The following BRWD1 variants were observed in gnomAD, a reference collection of about 807,000 sequenced individuals.
BRWD1 encodes the protein bromodomain and WD repeat domain containing 1, also known as bromodomain and WD repeat-containing protein 1.
A neutral mutation model predicts 251.2 loss-of-function variants in BRWD1; 82 were observed. The ratio of observed to expected loss-of-function variants is 0.33; its 90% CI spans 0.27 to 0.39. BRWD1 has a LOEUF of 0.39. Among genes scored for constraint, BRWD1 ranks in the 10% least tolerant of loss-of-function variants. The pLI is 1.00. For synonymous variants in BRWD1, 918 were observed against 902.8 expected (o/e 1.02, Z -0.30); for missense variants, 2,233 against 2,711.6 (o/e 0.82, Z 3.92).
At chr21:39,288,237 T>G (rs1021693619) in intron 8 of BRWD1, among the ~76,000 whole-genome samples, 1 of 152,074 alleles carries the variant, frequency 6.6e-6, no homozygotes, top group Non-Finnish European at 1.5e-5. Context: ...TTAAAGAGAA[T>G]AAGACAAAAG....
chr21:39,289,531 A>G (rs8130774), intron 8 of BRWD1, among the ~76,000 whole-genome samples: 140,954 of 152,134 alleles, frequency 0.93, 65,646 homozygotes, highest in African/African-American at 0.97. Flanking sequence ...TCACATCCCC[A>G]CCTAAAGAAT....
chr21:39,195,081 G>C lies in BRWD1; in HGVS notation c.*1178C>G. 1 of 1,223,680 alleles carries C rather than the reference G, an allele frequency of 8.2e-7. No individual in the cohort carries two copies. The highest frequency in any genetic ancestry group is 1.0e-6 in the Non-Finnish European group (1 of 978,716). 75.8% of individuals were successfully genotyped at this position (1,223,680 alleles called of 1,614,324 possible). A position where few individuals can be genotyped will look rare whatever the true frequency, so the allele number is the denominator to read the frequency against. Reference sequence around the variant, plus strand: ...GTGTGATAAACTTTCACTTTAAATGGATTATAAAATTATTTTCCCACAAAA... The same window carrying C: ...GTGTGATAAACTTTCACTTTAAATGCATTATAAAATTATTTTCCCACAAAA... On this transcript the variant is annotated 3_prime_UTR_variant, in exon 41 of 41. Transcript: ENST00000342449.
intron 8 of BRWD1, among the ~76,000 whole-genome samples, chr21:39,292,382 T>C (rs1364163703): frequency 6.6e-6 from 1 of 152,138 alleles, no homozygotes; most frequent in East Asian, 1.9e-4. Context: ...CTGTCCCTAA[T>C]AACTAACGGA....
At chr21:39,307,736 C>G (rs1448851687) in intron 4 of BRWD1, among the ~76,000 whole-genome samples, 1 of 152,064 alleles carries the variant, frequency 6.6e-6, no homozygotes, top group Non-Finnish European at 1.5e-5. Flanking sequence ...CCCTTTAAAA[C>G]AAAAACCTCT....
intron 29 of BRWD1, chr21:39,219,759 T>A (rs1395452122): frequency 6.6e-6 from 1 of 152,232 alleles, no homozygotes; most frequent in Non-Finnish European, 1.5e-5. Context: ...TATGATGTAG[T>A]CTTTTAGCTG....
Position 39,188,865 on chromosome 21 carries a change from T to C in BRWD1, c.*7394A>G. 1.0e-6 allele frequency: 1 copy of C among 985,428 alleles called. No individual in the cohort carries two copies. Among genetic ancestry groups the C allele is most frequent in the Non-Finnish European group, 1.2e-6 (1 of 829,920 alleles). The allele number at this position is 985,428 out of a possible 1,614,324, so 61.0% of individuals were successfully genotyped here. On this transcript the variant is annotated 3_prime_UTR_variant, in exon 41 of 41. Transcript: ENST00000342449. ...GAAATTCTAAGGGCACTATGTTTTGTTCAGTGTTCAGTCTCCAGGCATTGT... is the reference window on the plus strand; with the variant it reads ...GAAATTCTAAGGGCACTATGTTTTGCTCAGTGTTCAGTCTCCAGGCATTGT...
chr21:39,313,652 G>A (rs2036605881), upstream of BRWD1: 2 of 468,654 alleles, frequency 4.3e-6, no homozygotes, highest in African/African-American at 2.1e-5. Flanking sequence ...CCTCCGCGGG[G>A]GAGGAAGTAG....
At chr21:39,249,648 A>G (rs990843267) in intron 20 of BRWD1, among the ~76,000 whole-genome samples, 4 of 152,176 alleles carry the variant, frequency 2.6e-5, no homozygotes, top group East Asian at 1.9e-4. Flanking sequence ...TCTAATGAGC[A>G]CTGGTCAGTT....
At position 39,278,805 on chromosome 21, in the gene BRWD1, G is replaced by A. The variant is rs1207825138; in HGVS notation, c.941C>T (p.Pro314Leu). The part of the protein sequence containing the change: ...DLESLKFSPR[P>L]LKFTEKPRPG... ...CCTAGGCTTTTCAGTGAACTTCAGG[G>A]GACGTGGGCTTTAAAAGAAGAAGAT... The change falls in exon 10 of 41, where the codon CCC becomes CTC. Residue 314 changes from proline to leucine, a missense_variant. This residue lies in a region of BRWD1 where 315 missense variants were observed against 421.8 expected (regional missense o/e 0.75). Transcript: ENST00000342449. 2 of 1,585,100 alleles carry A rather than the reference G, an allele frequency of 1.3e-6. No individual in the cohort carries two copies. The highest frequency in any genetic ancestry group is 4.5e-5 in the East Asian group (2 of 44,366).
chr21:39,234,096 AAAC>A (rs768316620), intron 23 of BRWD1, among the ~76,000 whole-genome samples: 4 of 152,234 alleles, frequency 2.6e-5, no homozygotes, highest in Non-Finnish European at 4.4e-5. Flanking sequence ...GTCAATCATA[AAAC>A]AATATAACAA....
chr21:39,317,798 A>G (rs1334344114), upstream of BRWD1, among the ~76,000 whole-genome samples: 2 of 152,230 alleles, frequency 1.3e-5, no homozygotes, highest in Non-Finnish European at 2.9e-5. Flanking sequence ...CGTCTGTGCT[A>G]TCAGCACTTT....
chr21:39,276,035 A>AAAAT (rs988992163), intron 12 of BRWD1, 138 bp downstream of exon 12: 26 of 714,902 alleles, frequency 3.6e-5, no homozygotes, highest in African/African-American at 2.6e-4. Flanking sequence ...TCCATCTCAA[A>AAAAT]AAATAAATAA....
intron 9 of BRWD1, among the ~76,000 whole-genome samples, chr21:39,279,382 T>G (rs2035377505): frequency 6.6e-6 from 1 of 152,154 alleles, no homozygotes; most frequent in Admixed American, 6.5e-5. Context: ...CTCACGCCTG[T>G]GATCCCAGTA....
chr21:39,311,413 C>T (rs2036479667), intron 4 of BRWD1, among the ~76,000 whole-genome samples: 2 of 152,174 alleles, frequency 1.3e-5, no homozygotes, highest in African/African-American at 4.8e-5. Flanking sequence ...CCTCGGCCTC[C>T]TAATGTGCTG....
intron 15 of BRWD1, among the ~76,000 whole-genome samples, chr21:39,266,808 T>C (rs532226940): frequency 6.6e-4 from 101 of 152,360 alleles, no homozygotes; most frequent in Non-Finnish European, 8.2e-4. Flanking sequence ...TTAGGAATTA[T>C]GAGCCTCTTA....
In BRWD1 at chr21:39,233,004, A is replaced by G. The variant is rs190623573; in HGVS notation, c.2767-506T>C. 7.3e-3 allele frequency among the ~76,000 whole-genome samples: 1,106 copies of G among 152,272 alleles called. 8 individuals carry two copies. The highest frequency in any genetic ancestry group is 0.02 in the Middle Eastern group (6 of 294). On this transcript the variant is annotated intron_variant, in intron 23 of 40. Transcript: ENST00000342449. ...ATGACTCACTTCTACCAAATATAAT[A>G]AAGCCGATGAGACTATGTGCAACTT...
In BRWD1 at chr21:39,228,588, C is replaced by A. The variant is rs752618505; in HGVS notation, c.3126-6G>T. ...CATCTGGCATATCATGATATCTAGA[C>A]AAAAATTTAAAAAATTGTTAAACTC... On this transcript the variant is annotated splice_polypyrimidine_tract_variant and splice_region_variant and intron_variant, in intron 26 of 40. Coordinates refer to ENST00000342449, the MANE Select transcript of BRWD1 (RefSeq NM_033656.4). 11 of 1,592,376 alleles carry A rather than the reference C, an allele frequency of 6.9e-6. No individual in the cohort carries two copies. The Admixed American group carries it at 1.8e-4, about 27-fold the overall frequency.
chr21:39,281,135 C>A lies in BRWD1; in HGVS notation c.832-887G>T, dbSNP rs142873782. On this transcript the variant is annotated intron_variant, in intron 8 of 40. Transcript: ENST00000342449. ...AAAGTGTTCATTTCTCAAAGTCATG[C>A]GGCAATGGGGTAAATGAATAGAGAA... Among the ~76,000 whole-genome samples, 19 of 152,222 alleles carry A rather than the reference C, an allele frequency of 1.2e-4. No individual in the cohort carries two copies. The East Asian group carries it at 3.5e-3, about 28-fold the overall frequency.
At position 39,192,015 on chromosome 21, in the gene BRWD1, G is replaced by A. The variant is rs1475193636; in HGVS notation, c.*4244C>T. 1.5e-5 allele frequency: 15 copies of A among 984,778 alleles called. No individual in the cohort carries two copies. Among genetic ancestry groups the A allele is most frequent in the Non-Finnish European group, 1.7e-5 (14 of 829,546 alleles). The allele number at this position is 984,778 out of a possible 1,614,324, so 61.0% of individuals were successfully genotyped here. A position where few individuals can be genotyped will look rare whatever the true frequency, so the allele number is the denominator to read the frequency against. On this transcript the variant is annotated 3_prime_UTR_variant, in exon 41 of 41. Coordinates refer to ENST00000342449, the MANE Select transcript of BRWD1 (RefSeq NM_033656.4). ...GCCTGCAGATTGGTAGAATCCAAATGATGTGACTCTCCCCCTCCCTCCATC... is the reference window on the plus strand; with the variant it reads ...GCCTGCAGATTGGTAGAATCCAAATAATGTGACTCTCCCCCTCCCTCCATC...
Sources: allele counts gnomAD v4.1 joint callset (sites outside exome capture counted in the v4.1 genomes callset), GRCh38; gene constraint gnomAD v4.1.1; regional missense constraint gnomAD v4.1.1; transcripts MANE v1.5; gene names NCBI Gene and HGNC (gene_info 2026-07-23, HGNC 2026-07-21).